The following ERI2 variants were observed in gnomAD, a reference collection of about 807,000 sequenced individuals.
The protein encoded by ERI2 is ERI1 exoribonuclease 2.
Under a neutral mutation model 46.8 loss-of-function variants are expected in ERI2, and 35 were observed. The observed-to-expected ratio is 0.75, with a 90% confidence interval of 0.57 to 0.99. The LOEUF (loss-of-function observed/expected upper bound fraction) is 0.99. Among genes scored for constraint, ERI2 ranks in the 50% least tolerant of loss-of-function variants. The probability of loss-of-function intolerance (pLI) is 0.00; values close to 1 mark genes in which losing one functional copy is unlikely to be tolerated. For synonymous variants in ERI2, 224 were observed against 271.0 expected (o/e 0.83, Z 1.70); for missense variants, 695 against 796.2 (o/e 0.87, Z 1.53).
chr16:20,796,313 T>C, downstream of ERI2: 2 of 1,588,430 alleles, frequency 1.3e-6, no homozygotes, highest in Non-Finnish European at 1.7e-6. Context: ...AAACAAGACA[T>C]ACTAAAACAT....
chr16:20,792,044 T>C (rs146424835), downstream of ERI2: 1 of 1,614,176 alleles, frequency 6.2e-7, no homozygotes, highest in South Asian at 1.1e-5. Context: ...AGGCAATTTC[T>C]ATATCACTGG....
At chr16:20,781,712 TC>T in intron 10 of ERI2, 1 of 1,611,970 alleles carries the variant, frequency 6.2e-7, no homozygotes, top group Non-Finnish European at 8.5e-7. Flanking sequence ...TTGCAGACAC[TC>T]TCCAAGTACC....
At chr16:20,785,386 A>G (rs1326475202) in intron 10 of ERI2, among the ~76,000 whole-genome samples, 2 of 152,186 alleles carry the variant, frequency 1.3e-5, no homozygotes, top group African/African-American at 2.4e-5. Flanking sequence ...TACTGAAAGA[A>G]AGAATTCCTC....
chr16:20,780,998 A>G, intron 10 of ERI2: 5 of 1,614,186 alleles, frequency 3.1e-6, no homozygotes, highest in Non-Finnish European at 4.2e-6. Flanking sequence ...TGACACCCTC[A>G]GATGTGATGT....
intron 10 of ERI2, chr16:20,785,237 C>T (rs1596529438): frequency 1.6e-6 from 2 of 1,280,058 alleles, no homozygotes; most frequent in East Asian, 2.6e-5. Context: ...TTTAAAAAAA[C>T]AATGCTTGCA....
chr16:20,802,574 A>ATT (rs564591571), intron 4 of ERI2, among the ~76,000 whole-genome samples: 21 of 132,474 alleles, frequency 1.6e-4, no homozygotes, highest in East Asian at 2.1e-4. Context: ...GCTAATTTAA[A>ATT]TTTTTTTTTT....
chr16:20,783,315 AT>A (rs2080394066), intron 10 of ERI2: 3 of 152,214 alleles, frequency 2.0e-5, no homozygotes, highest in Admixed American at 2.0e-4. Context: ...GGAACCCAGG[AT>A]GAAGACTCAG....
At chr16:20,788,390 C>A (rs1436797660) in intron 10 of ERI2, among the ~76,000 whole-genome samples, 1 of 152,190 alleles carries the variant, frequency 6.6e-6, no homozygotes, top group Non-Finnish European at 1.5e-5. Context: ...GCAAGGTACC[C>A]CCACCTGCTC....
chr16:20,792,250 C>T, downstream of ERI2: 2 of 1,614,062 alleles, frequency 1.2e-6, no homozygotes, highest in Non-Finnish European at 1.7e-6. Flanking sequence ...CGAATTGGAC[C>T]ATTTGAGGTA....
intron 1 of ERI2, 124 bp downstream of exon 1, chr16:20,806,284 G>A (rs554916878): frequency 6.8e-4 from 993 of 1,453,210 alleles, no homozygotes; most frequent in Non-Finnish European, 8.5e-4. Context: ...GCAGGTCGCA[G>A]ACGCCGGGGC....
At chr16:20,802,356 A>G (rs1384635691) in intron 4 of ERI2, among the ~76,000 whole-genome samples, 2 of 151,736 alleles carry the variant, frequency 1.3e-5, no homozygotes, top group African/African-American at 4.8e-5. Context: ...AAATAAATAC[A>G]TAAATCGAGT....
chr16:20,782,017 C>T (rs1275830041), intron 10 of ERI2, among the ~76,000 whole-genome samples: 1 of 152,134 alleles, frequency 6.6e-6, no homozygotes, highest in Non-Finnish European at 1.5e-5. Context: ...ATGTTTATAG[C>T]TCTAAGCCCA....
At chr16:20,802,021 A>G (rs1262426241) in intron 4 of ERI2, among the ~76,000 whole-genome samples, 1 of 151,372 alleles carries the variant, frequency 6.6e-6, no homozygotes, top group East Asian at 2.0e-4. Context: ...GGCCTCCCAA[A>G]GTACTGAGAT....
At chr16:20,781,939 T>C (rs2080362095) in intron 10 of ERI2, 1 of 624,602 alleles carries the variant, frequency 1.6e-6, no homozygotes, top group African/African-American at 1.9e-5. Context: ...CTTGCCTGCA[T>C]TCTGTAAATG....
chr16:20,791,942 A>AT, downstream of ERI2: 1 of 1,570,258 alleles, frequency 6.4e-7, no homozygotes, highest in Non-Finnish European at 8.6e-7. Flanking sequence ...AAAAAAAAAA[A>AT]TTCCAATTGA....
intron 10 of ERI2, chr16:20,781,648 A>G: frequency 8.0e-7 from 1 of 1,247,946 alleles, no homozygotes; most frequent in Non-Finnish European, 1.2e-6. Flanking sequence ...TCAACCAAAG[A>G]CATTTAAGCA....
rs1199719937 is a variant in ERI2 at position 20,801,257 on chromosome 16, T to C, written c.406A>G (p.Ile136Val). The C allele has an allele frequency of 3.7e-6, 6 of 1,612,602 alleles. No homozygotes were observed. The Admixed American group carries it at 8.4e-5, about 22-fold the overall frequency. ...QQKNIIFATG[I>V]SEPSASEVKL... ...ACTTCAGAAGCAGAAGGCTCTGAAA[T>C]CCCAGTAGCAAAAATAATGTTCTTC... The change falls in exon 5 of 9, where the codon ATT (isoleucine) becomes GTT (valine). Residue 136 changes from isoleucine to valine, a missense_variant. By Grantham distance (29) the Ile-to-Val change is conservative (BLOSUM62 3). Transcript: ENST00000357967.
intron 10 of ERI2, among the ~76,000 whole-genome samples, chr16:20,782,468 C>G (rs1388336982): frequency 6.6e-6 from 1 of 152,154 alleles, no homozygotes; most frequent in African/African-American, 2.4e-5. Context: ...TAACTCAACT[C>G]CCAGCAACCA....
rs2080747900 is a variant in ERI2, at chr16:20,797,778, A to G, written c.2022T>C (p.Asn674=). ...AAGAATTTTTGGTGGAAATACTTAA[A>G]TTTCTGTCACAAATATGGCTTGTTT... ...SPETSHICDR[N]LSISTKNSLR... The change falls in exon 9 of 9, where the codon AAT becomes AAC. Residue 674 remains asparagine, a synonymous_variant. Transcript: ENST00000357967. 2 of 1,550,368 alleles carry G rather than the reference A, an allele frequency of 1.3e-6. No homozygotes were observed. The highest frequency in any genetic ancestry group is 1.7e-6 in the Non-Finnish European group (2 of 1,146,654).
Sources: allele counts gnomAD v4.1 joint callset (sites outside exome capture counted in the v4.1 genomes callset), GRCh38; gene constraint gnomAD v4.1.1; transcripts MANE v1.5; gene names NCBI Gene and HGNC (gene_info 2026-07-23, HGNC 2026-07-21).